PDE4D: variants seen among roughly 807,000 people sequenced by gnomAD.
The protein encoded by PDE4D is phosphodiesterase 4D, also known as 3',5'-cyclic-AMP phosphodiesterase 4D.
Under a neutral mutation model 87.4 loss-of-function variants are expected in PDE4D, and 24 were observed. That is an observed-to-expected ratio of 0.27 (90% CI 0.20 to 0.39). The LOEUF (loss-of-function observed/expected upper bound fraction) is 0.39. PDE4D is among the 10% of genes least tolerant of loss of function. PDE4D has a pLI of 1.00. For missense variants in PDE4D, 714 were observed against 1,041.0 expected (o/e 0.69, Z 4.32); for synonymous variants, 384 against 383.2 (o/e 1.00, Z -0.02).
intron 1 of PDE4D, among the ~76,000 whole-genome samples, chr5:60,408,191 C>A (rs183959508): frequency 6.6e-4 from 100 of 152,292 alleles, no homozygotes; most frequent in Non-Finnish European, 9.0e-4. Context: ...AACCTATTCC[C>A]GCTGTGCCTT....
At chr5:59,265,664 T>C (rs1220974742) in intron 1 of PDE4D, among the ~76,000 whole-genome samples, 1 of 152,048 alleles carries the variant, frequency 6.6e-6, no homozygotes, top group Admixed American at 6.6e-5. Context: ...ACATCATTGC[T>C]AAAGGTAACA....
chr5:59,492,814 T>A (rs1806459248), intron 1 of PDE4D, among the ~76,000 whole-genome samples: 1 of 152,174 alleles, frequency 6.6e-6, no homozygotes, highest in Admixed American at 6.5e-5. Context: ...CGTGCTGTTC[T>A]CATGATAGTG....
intron 1 of PDE4D, among the ~76,000 whole-genome samples, chr5:59,346,303 T>C (rs1779593550): frequency 6.6e-6 from 1 of 152,134 alleles, no homozygotes; most frequent in Admixed American, 6.5e-5. Context: ...TTTTTCTCTC[T>C]TACTGGCACA....
chr5:59,035,007 A>G (rs540432019), intron 6 of PDE4D, among the ~76,000 whole-genome samples: 16 of 152,374 alleles, frequency 1.1e-4, no homozygotes, highest in African/African-American at 3.6e-4. Context: ...TCACAAGAGG[A>G]TAACGTTACA....
chr5:59,653,500 G>C (rs1271476058), intron 1 of PDE4D, among the ~76,000 whole-genome samples: 1 of 152,182 alleles, frequency 6.6e-6, no homozygotes, highest in Non-Finnish European at 1.5e-5. Flanking sequence ...ATCCACCGTA[G>C]TGAAAGTGAT....
At chr5:59,291,179 C>G (rs1157109951) in intron 1 of PDE4D, among the ~76,000 whole-genome samples, 1 of 152,038 alleles carries the variant, frequency 6.6e-6, no homozygotes, top group African/African-American at 2.4e-5. Context: ...TGGAAGCAAT[C>G]TAAATTTCTA....
intron 1 of PDE4D, among the ~76,000 whole-genome samples, chr5:59,583,201 T>A (rs13178256): frequency 6.6e-6 from 1 of 152,218 alleles, no homozygotes; most frequent in South Asian, 2.1e-4. Flanking sequence ...ATCTTTTAAG[T>A]CAGGCAAAAA....
chr5:59,097,062 A>T (rs73098905), intron 5 of PDE4D, among the ~76,000 whole-genome samples: 1 of 152,222 alleles, frequency 6.6e-6, no homozygotes, highest in Non-Finnish European at 1.5e-5. Flanking sequence ...GTGGGTAAAT[A>T]TAAGTAGAAA....
rs370345341 is a variant in PDE4D at position 59,945,443 on chromosome 5, T to C, written c.272+43045A>G. Among the ~76,000 whole-genome samples, 25 of 152,356 alleles carry C rather than the reference T, an allele frequency of 1.6e-4. No homozygotes were observed. The South Asian group carries it at 5.2e-3, about 32-fold the overall frequency. ...TTACAGTTTGGAGTTTGTGCTGTTTTCCAAAAGGGCTGAGGTTAAGAGAGG... is the reference window on the plus strand; with the variant it reads ...TTACAGTTTGGAGTTTGTGCTGTTTCCCAAAAGGGCTGAGGTTAAGAGAGG... On this transcript the variant is annotated intron_variant, in intron 3 of 16. Transcript: ENST00000502484.
intron 5 of PDE4D, among the ~76,000 whole-genome samples, chr5:59,062,900 A>G (rs778199510): frequency 1.4e-4 from 22 of 151,936 alleles, no homozygotes; most frequent in Non-Finnish European, 1.3e-4. Context: ...GACACTTACT[A>G]TACTTTTTTG....
At chr5:59,452,929 T>C (rs1799383065) in intron 1 of PDE4D, among the ~76,000 whole-genome samples, 2 of 151,902 alleles carry the variant, frequency 1.3e-5, no homozygotes, top group South Asian at 2.1e-4. Flanking sequence ...TATTGTGCTT[T>C]GTTTTGTTGT....
chr5:59,442,645 T>C (rs1797809381), intron 1 of PDE4D, among the ~76,000 whole-genome samples: 1 of 152,210 alleles, frequency 6.6e-6, no homozygotes, highest in Non-Finnish European at 1.5e-5. Context: ...TATTACATTC[T>C]ACCTTCTCTT....
chr5:59,627,519 A>G lies in PDE4D; in HGVS notation c.455+265649T>C, dbSNP rs376627991. ...CTTTCTATCACTTTCTAACTGCATT[A>G]TGTATTATCCCTTCACCCCACCCCA... On this transcript the variant is annotated intron_variant, in intron 1 of 14. Transcript: ENST00000340635. 3.4e-4 allele frequency among the ~76,000 whole-genome samples: 52 copies of G among 152,198 alleles called. 1 individual carries two copies. The South Asian group carries it at 5.0e-3, about 15-fold the overall frequency.
intron 1 of PDE4D, among the ~76,000 whole-genome samples, chr5:59,646,012 C>T (rs1742377443): frequency 6.6e-6 from 1 of 151,902 alleles, no homozygotes; most frequent in African/African-American, 2.4e-5. Flanking sequence ...AATAAGCAAC[C>T]AAAACTACAG....
chr5:59,077,331 A>T (rs1765855136), intron 5 of PDE4D, among the ~76,000 whole-genome samples: 1 of 152,016 alleles, frequency 6.6e-6, no homozygotes, highest in Admixed American at 6.6e-5. Flanking sequence ...TAAAACTTCA[A>T]TTTTTCACAT....
At chr5:59,385,061 G>A (rs773639067) in intron 1 of PDE4D, among the ~76,000 whole-genome samples, 14 of 152,030 alleles carry the variant, frequency 9.2e-5, no homozygotes, top group Non-Finnish European at 1.8e-4. Context: ...CCTCTCAGAT[G>A]CTCTAGCAAA....
rs149440461 is a variant in PDE4D, at chr5:60,354,608, T to C, written c.-90+133334A>G. Among the ~76,000 whole-genome samples the C allele has an allele frequency of 3.3e-4, 50 of 152,304 alleles. No individual in the cohort carries two copies. The East Asian group carries it at 8.3e-3, about 25-fold the overall frequency. On this transcript the variant is annotated intron_variant, in intron 1 of 16. Coordinates refer to the PDE4D transcript ENST00000502484. ...ATTGAATTGCACCAACAAGGTAATC[T>C]CTATATGTTATTTCCTGTTTTCTGG...
chr5:60,399,269 T>C (rs1013903770), intron 1 of PDE4D, among the ~76,000 whole-genome samples: 1 of 152,208 alleles, frequency 6.6e-6, no homozygotes, highest in Non-Finnish European at 1.5e-5. Flanking sequence ...GAAGGATATC[T>C]CTTTATATTT....
chr5:59,110,645 G>T (rs1306093383), intron 5 of PDE4D, among the ~76,000 whole-genome samples: 1 of 152,312 alleles, frequency 6.6e-6, no homozygotes, highest in East Asian at 1.9e-4. Context: ...GCTGAAGCAG[G>T]TGGATCACTT....
Sources: gnomAD v4.1 joint callset for allele counts (sites outside exome capture counted in the v4.1 genomes callset) on GRCh38, gnomAD v4.1.1 for gene constraint, MANE v1.5 for transcripts, NCBI Gene and HGNC (gene_info 2026-07-23, HGNC 2026-07-21) for gene names.